Variants in TSC22D1 observed in about 807,000 individuals in gnomAD.
TSC22D1 encodes TSC22 domain family protein 1.
In TSC22D1, 9 loss-of-function variants were observed where a neutral mutation model predicts 74.2. That is an observed-to-expected ratio of 0.12 (90% confidence interval 0.07 to 0.21). TSC22D1 has a LOEUF of 0.21. Ranked by LOEUF, TSC22D1 falls within the 10% of genes least tolerant of loss-of-function variation. The probability of loss-of-function intolerance (pLI) is 1.00; values close to 1 mark genes in which losing one functional copy is unlikely to be tolerated. For synonymous variants in TSC22D1, 586 were observed against 492.5 expected (o/e 1.19, Z -2.51); for missense variants, 1,427 against 1,304.7 (o/e 1.09, Z -1.44).
At chr13:44,455,171 T>C in intron 1 of TSC22D1, among the ~76,000 whole-genome samples, 1 of 152,096 alleles carries the variant, frequency 6.6e-6, no homozygotes, top group East Asian at 1.9e-4. Flanking sequence ...TCAGAGAGGA[T>C]GAAATTTTAG....
chr13:44,445,128 A>G (rs1875530295), intron 1 of TSC22D1, among the ~76,000 whole-genome samples: 1 of 152,098 alleles, frequency 6.6e-6, no homozygotes, highest in Non-Finnish European at 1.5e-5. Context: ...AAGAAAAACT[A>G]CAGACTAATA....
intron 1 of TSC22D1, chr13:44,437,394 T>C: frequency 3.1e-6 from 1 of 319,380 alleles, no homozygotes; most frequent in Non-Finnish European, 4.5e-6. Flanking sequence ...ATAATCACCC[T>C]GCAATCATGT....
chr13:44,499,009 A>G (rs1432365274), intron 1 of TSC22D1, among the ~76,000 whole-genome samples: 2 of 152,240 alleles, frequency 1.3e-5, no homozygotes, highest in African/African-American at 4.8e-5. Flanking sequence ...TCAAGGCAAA[A>G]TCCTTTAATT....
intron 1 of TSC22D1, among the ~76,000 whole-genome samples, chr13:44,448,843 C>T (rs1875892358): frequency 6.6e-6 from 1 of 151,978 alleles, no homozygotes; most frequent in South Asian, 2.1e-4. Flanking sequence ...GAACCAAATG[C>T]TGATTCAATA....
chr13:44,436,984 C>G lies in TSC22D1; in HGVS notation c.2913-889G>C, dbSNP rs571159253. ...GCTTCCCTGCTTCCCCGCCTCCCCC[C>G]ACCCCCACCTCCGCCCCCATTCTCC... On this transcript the variant is annotated intron_variant, in intron 1 of 2. Coordinates refer to ENST00000458659, the MANE Select transcript of TSC22D1 (RefSeq NM_183422.4). 4.6e-4 allele frequency: 466 copies of G among 1,002,772 alleles called. 3 individuals carry two copies. The African/African-American group carries it at 7.5e-3, about 16-fold the overall frequency. The allele number at this position is 1,002,772 out of a possible 1,614,324, so 62.1% of individuals were successfully genotyped here.
chr13:44,543,995 AAGG>A (rs1479073154), intron 1 of TSC22D1, among the ~76,000 whole-genome samples: 2 of 152,266 alleles, frequency 1.3e-5, no homozygotes, highest in East Asian at 1.9e-4. Flanking sequence ...CGGGAGGCTG[AAGG>A]AGGAGAACCG....
In TSC22D1 at chr13:44,433,566, A is replaced by G. The variant is rs1488104699; in HGVS notation, c.*1060T>C. 1.3e-5 allele frequency: 2 copies of G among 158,436 alleles called. No individual in the cohort carries two copies. The highest frequency in any genetic ancestry group is 4.8e-5 in the African/African-American group (2 of 41,730). 9.8% of individuals were successfully genotyped at this position (158,436 alleles called of 1,614,324 possible). ...TTTATTGAAAGTTGACAAGTGCAAC[A>G]GTTAAATACAGTGACACCTTACAAT... On this transcript the variant is annotated 3_prime_UTR_variant, in exon 3 of 3. Transcript: ENST00000458659.
intron 1 of TSC22D1, among the ~76,000 whole-genome samples, chr13:44,499,252 G>T (rs950184626): frequency 5.3e-5 from 8 of 152,134 alleles, no homozygotes; most frequent in African/African-American, 1.9e-4. Context: ...ATTTTTCAAA[G>T]AAAGTATTCT....
In TSC22D1 at chr13:44,434,583, T is replaced by G; in HGVS notation, c.*43A>C. Reference sequence around the variant, plus strand: ...CTCCCTAGCACATCTTCTCCGTCTGTTCAGTTCACACGCAGCAGCCAGTTC... The same window carrying G: ...CTCCCTAGCACATCTTCTCCGTCTGGTCAGTTCACACGCAGCAGCCAGTTC... On this transcript the variant is annotated 3_prime_UTR_variant, in exon 3 of 3. Coordinates refer to ENST00000458659, the MANE Select transcript of TSC22D1 (RefSeq NM_183422.4). 2 of 1,508,144 alleles carry G rather than the reference T, an allele frequency of 1.3e-6. No individual in the cohort carries two copies. Among genetic ancestry groups the G allele is most frequent in the East Asian group, 4.6e-5 (2 of 43,438 alleles). 93.4% of individuals were successfully genotyped at this position (1,508,144 alleles called of 1,614,324 possible).
chr13:44,437,927 C>G (rs1874871310), intron 1 of TSC22D1, among the ~76,000 whole-genome samples: 1 of 152,198 alleles, frequency 6.6e-6, no homozygotes, highest in Non-Finnish European at 1.5e-5. Context: ...ACCTCTGTTT[C>G]ACCCTCTTGG....
At chr13:44,481,363 G>C (rs1164040920) in intron 1 of TSC22D1, among the ~76,000 whole-genome samples, 2 of 152,186 alleles carry the variant, frequency 1.3e-5, no homozygotes, top group African/African-American at 4.8e-5. Flanking sequence ...CAGGTAACTG[G>C]TGAGGGGTGG....
chr13:44,446,531 G>A (rs1875655508), intron 1 of TSC22D1, among the ~76,000 whole-genome samples: 1 of 152,080 alleles, frequency 6.6e-6, no homozygotes, highest in Non-Finnish European at 1.5e-5. Flanking sequence ...TACCTATGAG[G>A]TACCTCGTTC....
chr13:44,450,972 G>A (rs1180450309), intron 1 of TSC22D1, among the ~76,000 whole-genome samples: 2 of 152,200 alleles, frequency 1.3e-5, no homozygotes, highest in Non-Finnish European at 2.9e-5. Context: ...GGACACTACA[G>A]AAGGTGGCTA....
At chr13:44,469,209 C>G in intron 1 of TSC22D1, among the ~76,000 whole-genome samples, 1 of 152,164 alleles carries the variant, frequency 6.6e-6, no homozygotes, top group Non-Finnish European at 1.5e-5. Flanking sequence ...ACCAGGCATT[C>G]AAGATCTATA....
chr13:44,474,703 T>G (rs1431730175), intron 1 of TSC22D1, among the ~76,000 whole-genome samples: 2 of 148,338 alleles, frequency 1.3e-5, no homozygotes, highest in Admixed American at 1.4e-4. Context: ...AAAATAAGAA[T>G]GGAGGGAAGA....
chr13:44,558,465 C>T (rs765108686), intron 1 of TSC22D1, among the ~76,000 whole-genome samples: 2 of 152,084 alleles, frequency 1.3e-5, no homozygotes, highest in Non-Finnish European at 2.9e-5. Flanking sequence ...TCAGGCTGGG[C>T]GTGGTGGCTC....
chr13:44,520,244 A>G (rs1880246200), intron 1 of TSC22D1, among the ~76,000 whole-genome samples: 1 of 152,184 alleles, frequency 6.6e-6, no homozygotes, highest in African/African-American at 2.4e-5. Context: ...TCTGCGAATC[A>G]GACTAAAAAC....
At chr13:44,547,222 T>C (rs556456066) in intron 1 of TSC22D1, among the ~76,000 whole-genome samples, 1 of 152,292 alleles carries the variant, frequency 6.6e-6, no homozygotes, top group South Asian at 2.1e-4. Flanking sequence ...TTCATTCAGA[T>C]GAAAAATTTA....
chr13:44,573,647 C>G lies in TSC22D1; in HGVS notation c.2428G>C (p.Ala810Pro), dbSNP rs1345554139. 2.5e-6 allele frequency: 4 copies of G among 1,614,240 alleles called. No homozygotes were observed. In the Admixed American group the frequency reaches 6.7e-5, roughly 27 times the overall value. Residue 810 changes from alanine to proline, a missense_variant, in exon 1 of 3, where the codon GCT (alanine) becomes CCT (proline). Transcript: ENST00000458659. ...PPQPQGVEPV[A>P]QGIVSQQLPA... ...AACTGCTGTGAAACAATTCCTTGAG[C>G]TACTGGTTCTACTCCTTGTGGCTGG...
Sources: allele counts gnomAD v4.1 joint callset (sites outside exome capture counted in the v4.1 genomes callset), GRCh38; gene constraint gnomAD v4.1.1; transcripts MANE v1.5; gene names NCBI Gene and HGNC (gene_info 2026-07-23, HGNC 2026-07-21).